Variants in CSMD3 observed in about 807,000 individuals in gnomAD.
The protein encoded by CSMD3 is CUB and Sushi multiple domains 3.
In CSMD3, 177 loss-of-function variants were observed where a neutral mutation model predicts 435.2. The ratio of observed to expected loss-of-function variants is 0.41; its 90% CI spans 0.36 to 0.46. The LOEUF is 0.46. Among genes scored for constraint, CSMD3 ranks in the 20% least tolerant of loss-of-function variants. The pLI, the probability that CSMD3 is intolerant of heterozygous loss-of-function variation, is 0.34. For synonymous variants in CSMD3, 1,656 were observed against 1,520.5 expected, an observed-to-expected ratio of 1.09 and a Z score of -2.07; for missense variants, 4,265 against 4,504.6, an observed-to-expected ratio of 0.95 and a Z score of 1.52.
chr8:112,790,870 C>T (rs2078670790), intron 13 of CSMD3, among the ~76,000 whole-genome samples: 1 of 152,102 alleles, frequency 6.6e-6, no homozygotes, highest in South Asian at 2.1e-4. Context: ...ATACAGCTTA[C>T]ACTAGCGTTC....
intron 13 of CSMD3, among the ~76,000 whole-genome samples, chr8:112,782,564 G>A (rs2078418147): frequency 1.3e-5 from 2 of 151,966 alleles, no homozygotes; most frequent in Admixed American, 6.6e-5. Context: ...CAAACCTAGA[G>A]AAATATGTCA....
chr8:112,597,114 C>G (rs566947237), intron 22 of CSMD3, among the ~76,000 whole-genome samples: 44 of 151,636 alleles, frequency 2.9e-4, no homozygotes, highest in Admixed American at 7.2e-4. Flanking sequence ...ATTGATAGAC[C>G]GCTAGCAAGA....
At chr8:112,820,062 G>T (rs1294709579) in intron 12 of CSMD3, among the ~76,000 whole-genome samples, 1 of 151,974 alleles carries the variant, frequency 6.6e-6, no homozygotes, top group East Asian at 1.9e-4. Flanking sequence ...AATCCCTCTA[G>T]CCTCATCTGC....
At chr8:112,786,414 G>A (rs1431876301) in intron 13 of CSMD3, among the ~76,000 whole-genome samples, 2 of 152,090 alleles carry the variant, frequency 1.3e-5, no homozygotes, top group African/African-American at 2.4e-5. Flanking sequence ...AGCAAAAAGG[G>A]ACAAATGAAA....
At chr8:112,248,617 C>A (rs1814977805) in intron 63 of CSMD3, among the ~76,000 whole-genome samples, 1 of 152,038 alleles carries the variant, frequency 6.6e-6, no homozygotes, top group East Asian at 1.9e-4. Flanking sequence ...TTTTTTCTGC[C>A]TTCCCCTTAA....
intron 22 of CSMD3, among the ~76,000 whole-genome samples, chr8:112,600,442 C>T (rs968559118): frequency 2.6e-5 from 4 of 152,064 alleles, no homozygotes; most frequent in South Asian, 2.1e-4. Flanking sequence ...CCTCATTTAA[C>T]GCAACCGATA....
chr8:112,786,110 C>T (rs1375006271), intron 13 of CSMD3, among the ~76,000 whole-genome samples: 1 of 151,902 alleles, frequency 6.6e-6, no homozygotes, highest in South Asian at 2.1e-4. Flanking sequence ...AATCAAGAAC[C>T]CAGAAATAAA....
Position 112,473,801 on chromosome 8 carries a change from T to G in CSMD3, c.5279-1094A>C, listed in dbSNP as rs117357020. On this transcript the variant is annotated intron_variant, in intron 31 of 70. Coordinates refer to ENST00000297405, the MANE Select transcript of CSMD3 (RefSeq NM_198123.2). ...TTGGAGTCAGAATGAGTTTCCTGAT[T>G]GGTGAGCCCTGGACAGGAACTTGTA... Among the ~76,000 whole-genome samples the G allele has an allele frequency of 1.7e-4, 26 of 151,344 alleles. No individual in the cohort carries two copies. In the East Asian group the frequency reaches 4.7e-3, roughly 28 times the overall value.
At chr8:112,987,811 G>A (rs1386778096) in intron 6 of CSMD3, among the ~76,000 whole-genome samples, 2 of 151,802 alleles carry the variant, frequency 1.3e-5, no homozygotes, top group Non-Finnish European at 2.9e-5. Context: ...TAATTCCCTC[G>A]GCAGGATTTT....
At chr8:112,787,853 G>C (rs1042591860) in intron 13 of CSMD3, among the ~76,000 whole-genome samples, 1 of 152,112 alleles carries the variant, frequency 6.6e-6, no homozygotes, top group Non-Finnish European at 1.5e-5. Context: ...AATACAGTTA[G>C]ATTGAATGAA....
At chr8:112,630,464 T>G (rs979956743) in intron 22 of CSMD3, among the ~76,000 whole-genome samples, 2 of 152,090 alleles carry the variant, frequency 1.3e-5, no homozygotes, top group Non-Finnish European at 2.9e-5. Context: ...AATATCTTCT[T>G]AAATGGTTTG....
At chr8:112,851,488 C>T (rs920279756) in intron 11 of CSMD3, among the ~76,000 whole-genome samples, 4 of 152,028 alleles carry the variant, frequency 2.6e-5, no homozygotes, top group Non-Finnish European at 4.4e-5. Flanking sequence ...ACCTTTGAGC[C>T]GGGCGCGGTG....
chr8:113,173,946 C>T lies in CSMD3; in HGVS notation c.515-30G>A, dbSNP rs189984821. On this transcript the variant is annotated intron_variant, in intron 3 of 70. Coordinates refer to ENST00000297405, the MANE Select transcript of CSMD3 (RefSeq NM_198123.2). ...TAAAAAGGAGGAAAAGGAGAGTTTA[C>T]AGTTATTTCAATAAGCAGTTTATTG... 1,883 of 1,490,214 alleles carry T rather than the reference C, an allele frequency of 1.3e-3. 1 individual carries two copies. Among genetic ancestry groups the T allele is most frequent in the Non-Finnish European group, 1.6e-3 (1,742 of 1,067,658 alleles). The allele number at this position is 1,490,214 out of a possible 1,614,324, so 92.3% of individuals were successfully genotyped here. A position where few individuals can be genotyped will look rare whatever the true frequency, so the allele number is the denominator to read the frequency against.
chr8:112,336,879 T>A (rs1439679730), intron 43 of CSMD3, 50 bp from the exon 44 acceptor site: 2 of 1,466,018 alleles, frequency 1.4e-6, no homozygotes, highest in Middle Eastern at 1.7e-4. Flanking sequence ...AACAATAAAC[T>A]GACTGTGGAG....
At chr8:113,087,589 C>T (rs1259492438) in intron 5 of CSMD3, among the ~76,000 whole-genome samples, 1 of 151,816 alleles carries the variant, frequency 6.6e-6, no homozygotes, top group African/African-American at 2.4e-5. Context: ...ACAAACCTGA[C>T]AAAAACAAGA....
chr8:112,793,188 C>T (rs1390217301), intron 13 of CSMD3, among the ~76,000 whole-genome samples: 1 of 145,944 alleles, frequency 6.9e-6, no homozygotes, highest in Non-Finnish European at 1.5e-5. Flanking sequence ...AATTTATATA[C>T]TATATAAATA....
At chr8:112,586,358 C>T (rs1830731640) in intron 23 of CSMD3, among the ~76,000 whole-genome samples, 1 of 151,134 alleles carries the variant, frequency 6.6e-6, no homozygotes, top group Non-Finnish European at 1.5e-5. Flanking sequence ...GAAGTGTTTA[C>T]TTTTACTCTA....
intron 18 of CSMD3, among the ~76,000 whole-genome samples, chr8:112,651,630 C>T (rs553770980): frequency 1.6e-4 from 24 of 151,638 alleles, no homozygotes; most frequent in African/African-American, 5.3e-4. Flanking sequence ...CTTCACCTGC[C>T]GGGTTCAAGC....
At chr8:113,399,948 G>GTA (rs34785769) in intron 1 of CSMD3, among the ~76,000 whole-genome samples, 65,857 of 148,830 alleles carry the variant, frequency 0.44, 14,812 homozygotes, top group East Asian at 0.62. Context: ...TCTATTCTGT[G>GTA]TATATATATA....
Sources: allele counts gnomAD v4.1 joint callset (sites outside exome capture counted in the v4.1 genomes callset), GRCh38; gene constraint gnomAD v4.1.1; transcripts MANE v1.5; gene names NCBI Gene and HGNC (gene_info 2026-07-23, HGNC 2026-07-21).